Variants in CDYL observed in about 807,000 individuals in gnomAD.
CDYL encodes the protein chromodomain Y like.
Under a neutral mutation model 47.3 loss-of-function variants are expected in CDYL, and 8 were observed. That is an observed-to-expected ratio of 0.17 (90% CI 0.10 to 0.31). CDYL has a LOEUF of 0.31. CDYL is among the 10% of genes least tolerant of loss of function. The pLI, the probability that CDYL is intolerant of heterozygous loss-of-function variation, is 1.00. For missense variants in CDYL, 471 were observed against 701.4 expected (o/e 0.67, Z 3.71); for synonymous variants, 266 against 265.0 (o/e 1.00, Z -0.04).
intron 2 of CDYL, among the ~76,000 whole-genome samples, chr6:4,894,729 G>T (rs1203020582): frequency 6.6e-6 from 1 of 152,064 alleles, no homozygotes; most frequent in Non-Finnish European, 1.5e-5. Context: ...GATTACAGGC[G>T]TGAGCCACTG....
intron 1 of CDYL, among the ~76,000 whole-genome samples, chr6:4,834,365 T>G (rs1469222574): frequency 1.3e-5 from 2 of 149,124 alleles, no homozygotes; most frequent in African/African-American, 4.9e-5. Context: ...AATTCTGGGT[T>G]GAAAATTCTT....
At chr6:4,815,133 A>T (rs1759636070) in intron 1 of CDYL, among the ~76,000 whole-genome samples, 1 of 152,194 alleles carries the variant, frequency 6.6e-6, no homozygotes, top group South Asian at 2.1e-4. Context: ...GTAATAACAA[A>T]TACTTACAGA....
Position 4,924,623 on chromosome 6 carries a change from A to G in CDYL, c.692-10892A>G, listed in dbSNP as rs541639673. Among the ~76,000 whole-genome samples, 3 of 152,350 alleles carry G rather than the reference A, an allele frequency of 2.0e-5. No individual in the cohort carries two copies. In the South Asian group the frequency reaches 6.2e-4, roughly 32 times the overall value. On this transcript the variant is annotated intron_variant, in intron 2 of 6. Transcript: ENST00000397588. The stretch of plus-strand genomic sequence containing the variant: ...TGGTTTTTATGACATCTTGAAGCAT[A>G]TCATTAAGTTGGATGGTTTTATTTT...
At chr6:4,774,496 A>G (rs1333430984), upstream of CDYL, 1 of 152,268 alleles carries the variant, frequency 6.6e-6, no homozygotes, top group Non-Finnish European at 1.5e-5. Context: ...TGGCTGGGCC[A>G]TCAGGGAAAG....
chr6:4,940,518 T>C (rs1040219187), intron 4 of CDYL, among the ~76,000 whole-genome samples: 3 of 151,990 alleles, frequency 2.0e-5, no homozygotes, highest in African/African-American at 7.2e-5. Context: ...GAAGATGAGG[T>C]TTCATATTAG....
chr6:4,843,707 T>G lies in CDYL; in HGVS notation c.25-48006T>G, dbSNP rs561830127. ...TTTTTATTTATGCTATTTATTTCAC[T>G]GAAGATTTTCTCCTTCCTATCTTGT... On this transcript the variant is annotated intron_variant, in intron 1 of 6. Transcript: ENST00000397588. Among the ~76,000 whole-genome samples, 17 of 152,250 alleles carry G rather than the reference T, an allele frequency of 1.1e-4. No individual in the cohort carries two copies. The East Asian group carries it at 1.7e-3, about 16-fold the overall frequency.
chr6:4,797,116 C>T (rs1759093142), intron 1 of CDYL, among the ~76,000 whole-genome samples: 2 of 152,140 alleles, frequency 1.3e-5, no homozygotes, highest in African/African-American at 4.8e-5. Flanking sequence ...TCCTATTTGA[C>T]ATGTATCTAG....
At chr6:4,792,597 G>A (rs1338267794) in intron 1 of CDYL, among the ~76,000 whole-genome samples, 1 of 151,648 alleles carries the variant, frequency 6.6e-6, no homozygotes, top group African/African-American at 2.4e-5. Context: ...TACCATGGCC[G>A]ACTAATTTTT....
At chr6:4,779,194 G>A (rs529845688) in intron 1 of CDYL, among the ~76,000 whole-genome samples, 1 of 152,370 alleles carries the variant, frequency 6.6e-6, no homozygotes, top group African/African-American at 2.4e-5. Flanking sequence ...AGTCTGACAA[G>A]GCTGGGAAAG....
Position 4,892,252 on chromosome 6 carries a change from A to T in CDYL, c.564A>T (p.Gly188=), listed in dbSNP as rs1194519901. 6.2e-7 allele frequency: 1 copy of T among 1,614,140 alleles called. No homozygotes were observed. The highest frequency in any genetic ancestry group is 8.5e-7 in the Non-Finnish European group (1 of 1,180,018). The change falls in exon 2 of 7, where the codon GGA becomes GGT. Residue 188 remains glycine, a synonymous_variant. Coordinates refer to ENST00000397588, the MANE Select transcript of CDYL (RefSeq NM_004824.4). ...APEVAAEKPV[G]ALLGPGAERA... The stretch of plus-strand genomic sequence containing the variant: ...AAGTGGCAGCGGAAAAGCCGGTCGG[A>T]GCTTTATTGGGCCCCGGTGCCGAGA...
intron 1 of CDYL, among the ~76,000 whole-genome samples, chr6:4,802,178 T>TA (rs1241655233): frequency 6.6e-6 from 1 of 152,136 alleles, no homozygotes; most frequent in African/African-American, 2.4e-5. Context: ...CCCTTCTAGT[T>TA]ACAGTTTTTG....
chr6:4,946,219 G>C (rs536581688), intron 5 of CDYL, among the ~76,000 whole-genome samples: 1 of 152,122 alleles, frequency 6.6e-6, no homozygotes, highest in African/African-American at 2.4e-5. Flanking sequence ...CCTCCATGGC[G>C]GATGCTCTCA....
chr6:4,897,122 C>T (rs140062418), intron 2 of CDYL, among the ~76,000 whole-genome samples: 2 of 152,290 alleles, frequency 1.3e-5, no homozygotes, highest in African/African-American at 4.8e-5. Flanking sequence ...ATGAATTAAT[C>T]CTACAAAAGA....
intron 2 of CDYL, among the ~76,000 whole-genome samples, chr6:4,905,175 G>A (rs1757192762): frequency 6.6e-6 from 1 of 152,158 alleles, no homozygotes; most frequent in African/African-American, 2.4e-5. Flanking sequence ...CTGGGTTTAC[G>A]TGACTAGGAT....
intron 6 of CDYL, 51 bp downstream of exon 6, chr6:4,952,460 T>C: frequency 6.4e-7 from 1 of 1,568,878 alleles, no homozygotes; most frequent in South Asian, 1.2e-5. Context: ...ATAGAAACTT[T>C]TCCCTCAGAG....
At chr6:4,718,498 G>C (rs140458563) in intron 2 of CDYL, 1 of 152,070 alleles carries the variant, frequency 6.6e-6, no homozygotes, top group African/African-American at 2.4e-5. Flanking sequence ...AGTTGGTCTC[G>C]AACTTCTGAT....
chr6:4,905,062 C>T (rs558848556), intron 2 of CDYL, among the ~76,000 whole-genome samples: 10 of 152,242 alleles, frequency 6.6e-5, no homozygotes, highest in Non-Finnish European at 1.2e-4. Flanking sequence ...CTACCCCTAG[C>T]GTGATCTGAA....
chr6:4,843,534 T>G (rs1448033406), intron 1 of CDYL, among the ~76,000 whole-genome samples: 1 of 151,416 alleles, frequency 6.6e-6, no homozygotes, highest in African/African-American at 2.4e-5. Flanking sequence ...TAATTCTTTT[T>G]TTGTCTTTGT....
At chr6:4,851,230 A>G (rs553092190) in intron 1 of CDYL, among the ~76,000 whole-genome samples, 2 of 152,368 alleles carry the variant, frequency 1.3e-5, no homozygotes, top group African/African-American at 4.8e-5. Flanking sequence ...TGGTTTTCCC[A>G]TCTGTAAAAT....
Sources: gnomAD v4.1 joint callset for allele counts (sites outside exome capture counted in the v4.1 genomes callset) on GRCh38, gnomAD v4.1.1 for gene constraint, MANE v1.5 for transcripts, NCBI Gene and HGNC (gene_info 2026-07-23, HGNC 2026-07-21) for gene names.